Variants in LAMA2 observed in about 807,000 individuals in gnomAD.
LAMA2 encodes the protein laminin subunit alpha-2.
In LAMA2, 269 loss-of-function variants were observed where a neutral mutation model predicts 364.8. That is an observed-to-expected ratio of 0.74 (90% CI 0.67 to 0.82). LAMA2 has a LOEUF of 0.82. LAMA2 is among the 40% of genes least tolerant of loss of function. LAMA2 has a pLI of 0.00. For missense variants in LAMA2, 3,807 were observed against 3,873.2 expected (o/e 0.98, Z 0.45); for synonymous variants, 1,379 against 1,370.6 (o/e 1.01, Z -0.14).
chr6:129,445,352 A>G (rs898287351), intron 44 of LAMA2, among the ~76,000 whole-genome samples: 5 of 152,176 alleles, frequency 3.3e-5, no homozygotes, highest in African/African-American at 1.2e-4. Flanking sequence ...CTATTCTGTA[A>G]AGGTTAACTT....
intron 12 of LAMA2, among the ~76,000 whole-genome samples, chr6:129,222,035 A>G (rs1391852171): frequency 6.6e-6 from 1 of 152,188 alleles, no homozygotes; most frequent in Admixed American, 6.5e-5. Context: ...GTAAGAAAAT[A>G]ATATAAACAC....
chr6:129,158,745 G>C (rs1039564332), intron 8 of LAMA2: 2 of 1,614,152 alleles, frequency 1.2e-6, no homozygotes, highest in Admixed American at 3.3e-5. Context: ...AAATTGGTCC[G>C]ACAACATTCT....
chr6:129,408,470 A>G (rs1780357841), intron 40 of LAMA2, among the ~76,000 whole-genome samples: 1 of 152,202 alleles, frequency 6.6e-6, no homozygotes, highest in Non-Finnish European at 1.5e-5. Context: ...TGTGTGGAAT[A>G]CCATGACAGC....
At chr6:129,448,048 G>A (rs180760540) in intron 45 of LAMA2, among the ~76,000 whole-genome samples, 88 of 152,318 alleles carry the variant, frequency 5.8e-4, no homozygotes, top group Middle Eastern at 3.4e-3. Flanking sequence ...AACACTTTGG[G>A]AGGCTGAGGC....
intron 1 of LAMA2, among the ~76,000 whole-genome samples, chr6:128,941,819 G>A (rs1319004802): frequency 6.6e-6 from 1 of 152,080 alleles, no homozygotes; most frequent in Non-Finnish European, 1.5e-5. Context: ...TACTGATGGT[G>A]GTTTTTCAAA....
At chr6:129,202,774 A>G (rs1366267891) in intron 12 of LAMA2, among the ~76,000 whole-genome samples, 1 of 152,218 alleles carries the variant, frequency 6.6e-6, no homozygotes, top group Non-Finnish European at 1.5e-5. Context: ...GTCTTCCAAA[A>G]CTGAAGAAAA....
rs76695661 is a variant in LAMA2 at position 129,390,137 on chromosome 6, C to T, written c.5072-1354C>T. On this transcript the variant is annotated intron_variant, in intron 35 of 64. Coordinates refer to ENST00000421865, the MANE Select transcript of LAMA2 (RefSeq NM_000426.4). The stretch of plus-strand genomic sequence containing the variant: ...GGAAAGGGTATATTAGACATTGAAA[C>T]TCAATTCTTTCTACTATCCCAGTGT... Among the ~76,000 whole-genome samples, 136 of 152,202 alleles carry T rather than the reference C, an allele frequency of 8.9e-4. No homozygotes were observed. In the East Asian group the frequency reaches 0.024, roughly 27 times the overall value.
In LAMA2 at chr6:129,492,496, A is replaced by G. The variant is rs1057523272; in HGVS notation, c.8244+13A>G. 1.6e-5 allele frequency: 26 copies of G among 1,611,122 alleles called. 1 individual carries two copies. In the Admixed American group the frequency reaches 3.5e-4, roughly 22 times the overall value. On this transcript the variant is annotated intron_variant, in intron 58 of 64. Coordinates refer to ENST00000421865, the MANE Select transcript of LAMA2 (RefSeq NM_000426.4). ...AGTTCTGACACATGTAAGTGTTTAT[A>G]TTATCCCCATTGCTTTCTAATTTTT... is the stretch of plus-strand genomic sequence containing the variant.
At chr6:129,318,575 T>C (rs368142462) in intron 27 of LAMA2, among the ~76,000 whole-genome samples, 24 of 152,246 alleles carry the variant, frequency 1.6e-4, no homozygotes, top group African/African-American at 5.3e-4. Context: ...GAGATGCCAA[T>C]GCAAAGTTAC....
intron 29 of LAMA2, among the ~76,000 whole-genome samples, chr6:129,330,598 G>GTTTTTTTT (rs1554273762): frequency 1.1e-5 from 1 of 88,674 alleles, no homozygotes. Context: ...TTTGGTTTTT[G>GTTTTTTTT]TTTTTTTTTT....
At chr6:129,050,447 G>T (rs1459565329) in intron 2 of LAMA2, among the ~76,000 whole-genome samples, 1 of 152,138 alleles carries the variant, frequency 6.6e-6, no homozygotes. Flanking sequence ...GGAGGAATAA[G>T]GTAGGATATC....
intron 12 of LAMA2, among the ~76,000 whole-genome samples, chr6:129,200,604 G>T (rs1470979190): frequency 2.0e-5 from 3 of 151,740 alleles, no homozygotes; most frequent in Admixed American, 1.3e-4. Context: ...AAAGGGATTA[G>T]GTCATGAGGG....
At chr6:129,115,983 A>G (rs1776455946) in intron 4 of LAMA2, among the ~76,000 whole-genome samples, 1 of 152,122 alleles carries the variant, frequency 6.6e-6, no homozygotes, top group Middle Eastern at 3.2e-3. Context: ...TATGCATGCA[A>G]TTAGCAATTT....
intron 1 of LAMA2, among the ~76,000 whole-genome samples, chr6:128,926,600 C>T (rs1487463215): frequency 1.3e-5 from 2 of 152,152 alleles, no homozygotes; most frequent in Non-Finnish European, 2.9e-5. Context: ...AAATATTCCA[C>T]AGCTAACTAT....
rs1352966180 is a variant in LAMA2, at chr6:129,251,074, CTCTATATA to C, written c.1884+863_1884+870del. Among the ~76,000 whole-genome samples the C allele has an allele frequency of 8.7e-3, 525 of 60,432 alleles. 2 individuals are homozygous for C. The highest frequency in any genetic ancestry group is 0.015 in the African/African-American group (265 of 17,560). The allele number at this position is 60,432 out of a possible 152,430, so 39.6% of individuals were successfully genotyped here. A position where few individuals can be genotyped will look rare whatever the true frequency, so the allele number is the denominator to read the frequency against. On this transcript the variant is annotated intron_variant, in intron 13 of 64. Transcript: ENST00000421865. The stretch of plus-strand genomic sequence containing the variant: ...TCTCTCTCTCTCTCTCTCTCTCTCT[CTCTATATA>C]TATATATATATATATATATATATGG...
At chr6:129,335,730 T>G (rs1194655237) in intron 29 of LAMA2, among the ~76,000 whole-genome samples, 2 of 152,170 alleles carry the variant, frequency 1.3e-5, no homozygotes, top group African/African-American at 4.8e-5. Flanking sequence ...CTTGCCAGAA[T>G]AGAGATTGTT....
rs73601137 is a variant in LAMA2, at chr6:129,234,097, G to A, written c.1783-16015G>A. On this transcript the variant is annotated intron_variant, in intron 12 of 64. Transcript: ENST00000421865. ...CAGCCGAGTAGTGAAGAGTTATCTT[G>A]ATGGGAGGCCGGAACAAATTTGCTT... Among the ~76,000 whole-genome samples, 4 of 152,246 alleles carry A rather than the reference G, an allele frequency of 2.6e-5. No individual in the cohort carries two copies. In the South Asian group the frequency reaches 8.3e-4, roughly 32 times the overall value.
intron 9 of LAMA2, among the ~76,000 whole-genome samples, chr6:129,176,503 G>A (rs973220522): frequency 6.6e-6 from 1 of 151,962 alleles, no homozygotes; most frequent in Admixed American, 6.6e-5. Flanking sequence ...TACTTAAGAT[G>A]AGTAAGTTAG....
chr6:129,405,760 T>C (rs1780217421), intron 40 of LAMA2, among the ~76,000 whole-genome samples: 1 of 152,126 alleles, frequency 6.6e-6, no homozygotes, highest in Non-Finnish European at 1.5e-5. Flanking sequence ...GAAATATATT[T>C]GAAAAGCATT....
Sources: gnomAD v4.1 joint callset for allele counts (sites outside exome capture counted in the v4.1 genomes callset) on GRCh38, gnomAD v4.1.1 for gene constraint, MANE v1.5 for transcripts, NCBI Gene and HGNC (gene_info 2026-07-23, HGNC 2026-07-21) for gene names.